SLK: variants seen among roughly 807,000 people sequenced by gnomAD.
SLK encodes STE20-like serine/threonine-protein kinase.
In SLK, 67 loss-of-function variants were observed where a neutral mutation model predicts 147.7. The ratio of observed to expected loss-of-function variants is 0.45; its 90% CI spans 0.37 to 0.56. The LOEUF (loss-of-function observed/expected upper bound fraction) is 0.56, where lower values mean the gene tolerates loss of function less well. SLK is among the 20% of genes least tolerant of loss of function. SLK has a pLI of 0.00. For missense variants in SLK, 1,136 were observed against 1,438.8 expected (o/e 0.79, Z 3.41); for synonymous variants, 441 against 475.0 (o/e 0.93, Z 0.93).
rs766620125 is a variant in SLK, at chr10:103,989,081, G to T, written c.151-1594G>T. The stretch of plus-strand genomic sequence containing the variant: ...GTCTTTTATAAATAGTGTGTCAAGA[G>T]AATGAGAAGACAAGCCACAGACTGA... On this transcript the variant is annotated intron_variant, in intron 1 of 18. Transcript: ENST00000369755. Among the ~76,000 whole-genome samples the T allele has an allele frequency of 6.4e-4, 98 of 152,072 alleles. 1 individual carries two copies. The highest frequency in any genetic ancestry group is 1.2e-3 in the Non-Finnish European group (82 of 67,998).
At chr10:103,992,113 A>T (rs1844101480) in intron 2 of SLK, among the ~76,000 whole-genome samples, 1 of 113,846 alleles carries the variant, frequency 8.8e-6, no homozygotes, top group African/African-American at 3.1e-5. Context: ...TTGAGCTCGG[A>T]TCTGAAGCTT....
intron 1 of SLK, among the ~76,000 whole-genome samples, chr10:103,973,386 C>T (rs1056251893): frequency 2.6e-5 from 4 of 152,040 alleles, no homozygotes; most frequent in African/African-American, 9.7e-5. Flanking sequence ...TATTCCTATA[C>T]CAGTATCCCA....
intron 1 of SLK, among the ~76,000 whole-genome samples, chr10:103,971,255 TTTG>T (rs138183981): frequency 0.8 from 121,628 of 151,432 alleles, 49,001 homozygotes; most frequent in East Asian, 0.9. Context: ...TTTCTCTTTT[TTTG>T]TTGTTGTTGT....
rs1326651369 is a variant in SLK, at chr10:103,998,096, A to G, written c.515-803A>G. ...ACCATATAATAGATAAAAGTAATTC[A>G]GGCAGAATTGCATGACCTTTAAGAG... On this transcript the variant is annotated intron_variant, in intron 4 of 18. Coordinates refer to ENST00000369755, the MANE Select transcript of SLK (RefSeq NM_014720.4). 2.0e-5 allele frequency among the ~76,000 whole-genome samples: 3 copies of G among 152,224 alleles called. No individual in the cohort carries two copies. The East Asian group carries it at 5.8e-4, about 29-fold the overall frequency.
chr10:104,013,372 G>A lies in SLK; in HGVS notation c.2877+2464G>A, dbSNP rs568886831. 1.3e-5 allele frequency among the ~76,000 whole-genome samples: 2 copies of A among 152,306 alleles called. 1 individual carries two copies. Among genetic ancestry groups the A allele is most frequent in the South Asian group, 4.1e-4 (2 of 4,826 alleles). On this transcript the variant is annotated intron_variant, in intron 13 of 18. Coordinates refer to ENST00000369755, the MANE Select transcript of SLK (RefSeq NM_014720.4). ...CTCAAGCAACACCACTTTTGCTGTG[G>A]TTTATAAACTGGGATTTTTGGGGGT...
intron 7 of SLK, 29 bp downstream of exon 7, chr10:103,999,977 A>G (rs1844224125): frequency 2.0e-6 from 2 of 985,170 alleles, no homozygotes; most frequent in Admixed American, 2.3e-5. Context: ...AGCAAATAAT[A>G]TAATTATTTT....
chr10:103,979,257 T>C lies in SLK; in HGVS notation c.150+11362T>C, dbSNP rs535421825. Among the ~76,000 whole-genome samples the C allele has an allele frequency of 2.0e-5, 3 of 152,358 alleles. No homozygotes were observed. In the South Asian group the frequency reaches 6.2e-4, roughly 32 times the overall value. On this transcript the variant is annotated intron_variant, in intron 1 of 18. Coordinates refer to ENST00000369755, the MANE Select transcript of SLK (RefSeq NM_014720.4). ...GTCCCCAACTCCTGGGCTTAAGCTA[T>C]CCGCCTGCCTTGGCCTCCCAAAGTG...
rs750240979 is a variant in SLK, at chr10:104,027,235, CTTGT to C, written c.*1520_*1523del. The C allele has an allele frequency of 3.3e-5, 5 of 152,534 alleles. No homozygotes were observed. Among genetic ancestry groups the C allele is most frequent in the South Asian group, 2.1e-4 (1 of 4,830 alleles). 9.4% of individuals were successfully genotyped at this position (152,534 alleles called of 1,614,324 possible). On this transcript the variant is annotated 3_prime_UTR_variant, in exon 19 of 19. Coordinates refer to ENST00000369755, the MANE Select transcript of SLK (RefSeq NM_014720.4). ...AATTTGAAAACTTTGGATGCTGAAC[CTTGT>C]TTGTCAGTGATTTAGATGATTTAAA...
At chr10:103,992,763 T>TTCTTTCTTTTCA in intron 3 of SLK, 117 bp downstream of exon 3, 1 of 198,716 alleles carries the variant, frequency 5.0e-6, no homozygotes, top group South Asian at 6.9e-5. Context: ...GTTCAGTAAG[T>TTCTTTCTTTTCA]TAACTCAAGT....
intron 2 of SLK, 116 bp from the exon 3 acceptor site, chr10:103,992,482 C>T: frequency 2.2e-6 from 2 of 912,338 alleles, no homozygotes; most frequent in Admixed American, 6.0e-5. Context: ...GTTTCCATAA[C>T]CAGATTATTT....
At chr10:103,988,057 GGTTGAAAGAAGAGAGGCGATT>G (rs1264457187) in intron 1 of SLK, among the ~76,000 whole-genome samples, 1 of 152,196 alleles carries the variant, frequency 6.6e-6, no homozygotes, top group Non-Finnish European at 1.5e-5. Flanking sequence ...TTTTGTGTTA[GGTTGAAAGAAGAGAGGCGATT>G]GTAGAAAAGT....
intron 15 of SLK, chr10:104,019,161 C>T (rs560121608): frequency 1.3e-5 from 4 of 305,100 alleles, no homozygotes; most frequent in South Asian, 9.1e-5. Context: ...ATCTTCATCT[C>T]GGCTCTCAAA....
rs1564658859 is a variant in SLK, at chr10:104,003,442, C to T, written c.2264C>T (p.Thr755Ile). 6.2e-7 allele frequency: 1 copy of T among 1,613,392 alleles called. No homozygotes were observed. Among genetic ancestry groups the T allele is most frequent in the African/African-American group, 1.3e-5 (1 of 74,922 alleles). ...ENDNDSGTGS[T>I]ADTSSIDLNL... Reference sequence around the variant, plus strand: ...GATAATGATTCAGGCACTGGTTCCACTGCTGATACTAGCAGTATTGACTTG... The same window carrying T: ...GATAATGATTCAGGCACTGGTTCCATTGCTGATACTAGCAGTATTGACTTG... The change falls in exon 9 of 19, where the codon ACT (threonine) becomes ATT (isoleucine). Residue 755 changes from threonine (T) to isoleucine (I), a missense_variant. Around this residue, in one of 6 missense-constraint regions of SLK, gnomAD observed 516 missense variants for 531.3 expected, o/e 0.97. Transcript: ENST00000369755.
Position 103,999,951 on chromosome 10 carries a change from AAG to A in SLK, c.864+8_864+9del. 1 of 1,383,426 alleles carries A rather than the reference AAG, an allele frequency of 7.2e-7. No homozygotes were observed. The highest frequency in any genetic ancestry group is 1.3e-5 in the South Asian group (1 of 77,156). The allele number at this position is 1,383,426 out of a possible 1,614,324, so 85.7% of individuals were successfully genotyped here. A position where few individuals can be genotyped will look rare whatever the true frequency, so the allele number is the denominator to read the frequency against. Reference sequence around the variant, plus strand: ...GGACTACATCTCAGCTGCTGCAGGTAAGAGAGTATGACAACAGCAAATAATAT... The same window carrying A: ...GGACTACATCTCAGCTGCTGCAGGTAAGAGTATGACAACAGCAAATAATAT... On this transcript the variant is annotated splice_donor_5th_base_variant and intron_variant, in intron 7 of 18. Transcript: ENST00000369755.
At chr10:103,976,901 TCA>T (rs1403277095) in intron 1 of SLK, among the ~76,000 whole-genome samples, 1 of 152,236 alleles carries the variant, frequency 6.6e-6, no homozygotes, top group Non-Finnish European at 1.5e-5. Flanking sequence ...ACAGGGTTTC[TCA>T]GTGTTGGCAC....
At chr10:103,992,023 G>A (rs1449992612) in intron 2 of SLK, among the ~76,000 whole-genome samples, 1 of 151,538 alleles carries the variant, frequency 6.6e-6, no homozygotes, top group Non-Finnish European at 1.5e-5. Context: ...TTACAACTGT[G>A]GTAAGGGTTA....
chr10:103,975,926 T>C (rs1197469639), intron 1 of SLK, among the ~76,000 whole-genome samples: 1 of 152,038 alleles, frequency 6.6e-6, no homozygotes, highest in Non-Finnish European at 1.5e-5. Context: ...TTTATTATTA[T>C]TATTTTTTCT....
chr10:103,980,636 C>T (rs1843928628), intron 1 of SLK, among the ~76,000 whole-genome samples: 1 of 152,172 alleles, frequency 6.6e-6, no homozygotes, highest in Non-Finnish European at 1.5e-5. Flanking sequence ...CCTTAAGGTT[C>T]ATCCATGTCA....
At chr10:104,025,477 G>A in intron 18 of SLK, 97 bp from the exon 19 acceptor site, 2 of 1,195,952 alleles carry the variant, frequency 1.7e-6, no homozygotes, top group South Asian at 3.0e-5. Flanking sequence ...TATATACAAA[G>A]AAAGTGTTTT....
Sources: gnomAD v4.1 joint callset for allele counts (sites outside exome capture counted in the v4.1 genomes callset) on GRCh38, gnomAD v4.1.1 for gene constraint, gnomAD v4.1.1 regional missense constraint, MANE v1.5 for transcripts, NCBI Gene and HGNC (gene_info 2026-07-23, HGNC 2026-07-21) for gene names.